Variants in NR2C2 observed in about 807,000 individuals in gnomAD.
The protein encoded by NR2C2 is Nuclear hormone receptor TR4.
NR2C2 carries 6 observed loss-of-function variants against 62.9 expected under a neutral mutation model. The ratio of observed to expected loss-of-function variants is 0.10; its 90% confidence interval spans 0.05 to 0.19. NR2C2 has a LOEUF of 0.19. Ranked by LOEUF, NR2C2 falls within the 10% of genes least tolerant of loss-of-function variation. The probability of loss-of-function intolerance (pLI) is 1.00; values close to 1 mark genes in which losing one functional copy is unlikely to be tolerated. For missense variants in NR2C2, 479 were observed against 762.7 expected (o/e 0.63, Z 4.38); for synonymous variants, 272 against 273.8 (o/e 0.99, Z 0.07).
chr3:15,001,792 A>G (rs966335210), intron 1 of NR2C2, among the ~76,000 whole-genome samples: 2 of 151,058 alleles, frequency 1.3e-5, no homozygotes, highest in African/African-American at 4.9e-5. Context: ...TGATTTTTTG[A>G]TTTTTTTGTA....
intron 1 of NR2C2, among the ~76,000 whole-genome samples, chr3:14,981,626 GTA>G (rs1486167177): frequency 1.4e-5 from 2 of 146,202 alleles, no homozygotes; most frequent in Non-Finnish European, 3.0e-5. Context: ...AAAAAAAAGA[GTA>G]TTGATTCACA....
intron 1 of NR2C2, among the ~76,000 whole-genome samples, chr3:14,995,592 C>T (rs1320933002): frequency 4.6e-5 from 7 of 151,880 alleles, no homozygotes; most frequent in Admixed American, 3.9e-4. Context: ...TGGACTTGGG[C>T]GTTTTTACTT....
At chr3:14,983,124 G>A (rs992111819) in intron 1 of NR2C2, among the ~76,000 whole-genome samples, 1 of 152,008 alleles carries the variant, frequency 6.6e-6, no homozygotes, top group Non-Finnish European at 1.5e-5. Context: ...CATTCCAGTT[G>A]TACTCCCTCA....
chr3:15,019,048 T>TTATAAAATAAATAAGA (rs1287805039), intron 4 of NR2C2, among the ~76,000 whole-genome samples: 106 of 148,872 alleles, frequency 7.1e-4, no homozygotes, highest in African/African-American at 2.3e-3. Flanking sequence ...AAGATTTTAT[T>TTATAAAATAAATAAGA]TTTATAAAAT....
chr3:15,037,889 T>G, intron 11 of NR2C2, 111 bp from the exon 12 acceptor site: 2 of 1,195,148 alleles, frequency 1.7e-6, no homozygotes, highest in South Asian at 3.1e-5. Context: ...GATTACTGAT[T>G]TTTCATTAAA....
At chr3:15,016,300 A>G (rs1359361157) in intron 4 of NR2C2, 46 bp downstream of exon 4, 4 of 1,369,484 alleles carry the variant, frequency 2.9e-6, no homozygotes, top group Non-Finnish European at 4.2e-6. Context: ...GGCCAACAGC[A>G]TGAAGTAACT....
chr3:14,964,615 C>T (rs141790858), intron 1 of NR2C2, among the ~76,000 whole-genome samples: 6,171 of 151,860 alleles, frequency 0.041, 436 homozygotes, highest in African/African-American at 0.14. Flanking sequence ...CCCAGGTTCA[C>T]GCCATTCTCC....
At chr3:15,034,155 G>A in intron 10 of NR2C2, among the ~76,000 whole-genome samples, 1 of 152,252 alleles carries the variant, frequency 6.6e-6, no homozygotes, top group Admixed American at 6.5e-5. Context: ...GTTAGCCAGG[G>A]CAAGGCTGGA....
At chr3:14,996,631 T>G (rs937692173) in intron 1 of NR2C2, among the ~76,000 whole-genome samples, 1 of 152,186 alleles carries the variant, frequency 6.6e-6, no homozygotes, top group Admixed American at 6.5e-5. Flanking sequence ...AGTGCAGTGG[T>G]GCGATCTCAG....
chr3:14,961,238 G>C (rs1405212771), intron 1 of NR2C2, among the ~76,000 whole-genome samples: 4 of 152,168 alleles, frequency 2.6e-5, no homozygotes, highest in African/African-American at 4.8e-5. Context: ...TATCATAATA[G>C]AGGTGGCTAT....
At chr3:15,036,455 C>A (rs1475074757) in intron 11 of NR2C2, among the ~76,000 whole-genome samples, 1 of 152,166 alleles carries the variant, frequency 6.6e-6, no homozygotes, top group Non-Finnish European at 1.5e-5. Flanking sequence ...CACTGAAAAT[C>A]TACACTTGTA....
intron 5 of NR2C2, 123 bp from the exon 6 acceptor site, chr3:15,023,077 T>C (rs1575019255): frequency 9.5e-7 from 1 of 1,058,142 alleles, no homozygotes; most frequent in South Asian, 1.6e-5. Flanking sequence ...CTGTGAAAGC[T>C]GAGCTAGATG....
At chr3:14,998,611 T>C (rs1354767103) in intron 1 of NR2C2, among the ~76,000 whole-genome samples, 2 of 152,226 alleles carry the variant, frequency 1.3e-5, no homozygotes, top group Non-Finnish European at 2.9e-5. Flanking sequence ...AATTGGGATT[T>C]TTGTCTTGTT....
intron 7 of NR2C2, 130 bp from the exon 8 acceptor site, chr3:15,028,456 G>A (rs779815099): frequency 2.5e-5 from 18 of 720,378 alleles, no homozygotes; most frequent in South Asian, 1.0e-4. Context: ...GATCTTCCTC[G>A]TGTTGCCCCT....
In NR2C2 at chr3:14,957,176, GTTATAT is replaced by G. The variant is rs994009778; in HGVS notation, c.-40+9276_-40+9281del. On this transcript the variant is annotated intron_variant, in intron 1 of 13. Coordinates refer to ENST00000425241, the MANE Select transcript of NR2C2 (RefSeq NM_001291694.2). ...TACCAAGACAGTAGATACTTTGCAT[GTTATAT>G]TTATAAGCCATGTAACACATAAATA... Among the ~76,000 whole-genome samples, 6 of 152,334 alleles carry G rather than the reference GTTATAT, an allele frequency of 3.9e-5. No homozygotes were observed. In the East Asian group the frequency reaches 1.2e-3, roughly 29 times the overall value.
intron 1 of NR2C2, 134 bp from the exon 2 acceptor site, chr3:15,003,742 C>T (rs1175824861): frequency 1.7e-6 from 1 of 575,834 alleles, no homozygotes; most frequent in African/African-American, 1.9e-5. Context: ...TGTCATCATC[C>T]TTCTGGGTCC....
At position 14,947,915 on chromosome 3, in the gene NR2C2, G is replaced by GA. The variant is rs1193231974; in HGVS notation, c.-40+12dup. On this transcript the variant is annotated intron_variant, in intron 1 of 13. Transcript: ENST00000425241. ...TGGCGCCAAATCCTGAGGTAAAATT[G>GA]AAAGAGGGTCGGGCGGGCTCGGGCC... is the stretch of plus-strand genomic sequence containing the variant. 1 of 149,686 alleles carries GA rather than the reference G, an allele frequency of 6.7e-6. No individual in the cohort carries two copies. The highest frequency in any genetic ancestry group is 1.5e-5 in the Non-Finnish European group (1 of 67,210). The allele number at this position is 149,686 out of a possible 1,614,324, so 9.3% of individuals were successfully genotyped here. A position where few individuals can be genotyped will look rare whatever the true frequency, so the allele number is the denominator to read the frequency against.
At chr3:14,979,661 C>CT (rs1200360117) in intron 1 of NR2C2, among the ~76,000 whole-genome samples, 3 of 151,754 alleles carry the variant, frequency 2.0e-5, no homozygotes, top group Non-Finnish European at 4.4e-5. Context: ...GTGGGGAACA[C>CT]TCCAGACAGG....
chr3:15,016,119 T>G, intron 3 of NR2C2, 33 bp from the exon 4 acceptor site: 1 of 1,540,378 alleles, frequency 6.5e-7, no homozygotes, highest in Non-Finnish European at 9.0e-7. Flanking sequence ...GATTTTTAAT[T>G]GGCACCCCTG....
Sources: gnomAD v4.1 joint callset for allele counts (sites outside exome capture counted in the v4.1 genomes callset) on GRCh38, gnomAD v4.1.1 for gene constraint, MANE v1.5 for transcripts, NCBI Gene and HGNC (gene_info 2026-07-23, HGNC 2026-07-21) for gene names.